The following RASAL2 variants were observed in gnomAD, a reference collection of about 807,000 sequenced individuals.
RASAL2 encodes ras GTPase-activating protein nGAP.
Under a neutral mutation model 128.9 loss-of-function variants are expected in RASAL2, and 58 were observed. The ratio of observed to expected loss-of-function variants is 0.45; its 90% CI spans 0.36 to 0.56. RASAL2 has a LOEUF of 0.56. Ranked by LOEUF, RASAL2 falls within the 20% of genes least tolerant of loss-of-function variation. The probability of loss-of-function intolerance (pLI) is 0.00; values close to 1 mark genes in which losing one functional copy is unlikely to be tolerated. For synonymous variants in RASAL2, 561 were observed against 580.8 expected, an observed-to-expected ratio of 0.97 and a Z score of 0.49; for missense variants, 1,360 against 1,601.6, an observed-to-expected ratio of 0.85 and a Z score of 2.57.
At chr1:178,151,640 A>G (rs1040500029) in intron 1 of RASAL2, among the ~76,000 whole-genome samples, 1 of 152,298 alleles carries the variant, frequency 6.6e-6, no homozygotes, top group Middle Eastern at 3.4e-3. Context: ...CTCACCTCCA[A>G]AATGGCCTCC....
chr1:178,319,439 C>A (rs1440482264), intron 3 of RASAL2, among the ~76,000 whole-genome samples: 1 of 151,266 alleles, frequency 6.6e-6, no homozygotes, highest in Non-Finnish European at 1.5e-5. Context: ...ACCAATCAGA[C>A]GTAGATTTGG....
chr1:178,401,188 A>T (rs1167440142), intron 4 of RASAL2, among the ~76,000 whole-genome samples: 1 of 152,230 alleles, frequency 6.6e-6, no homozygotes. Context: ...GATATTCTTG[A>T]TTACCCAAAG....
chr1:178,424,295 T>C (rs1675367806), intron 5 of RASAL2, among the ~76,000 whole-genome samples: 1 of 151,042 alleles, frequency 6.6e-6, no homozygotes, highest in Non-Finnish European at 1.5e-5. Flanking sequence ...CAGGCTGGAG[T>C]GTAGTGGCAC....
chr1:178,163,676 A>T (rs1661414744), intron 1 of RASAL2, among the ~76,000 whole-genome samples: 1 of 152,184 alleles, frequency 6.6e-6, no homozygotes, highest in South Asian at 2.1e-4. Flanking sequence ...AATGTTAATT[A>T]TTGTAACTTT....
rs1663812945 is a variant in RASAL2 at position 178,226,946 on chromosome 1, AACAG to A, written c.203-56614_203-56611del. 2.0e-5 allele frequency among the ~76,000 whole-genome samples: 3 copies of A among 152,306 alleles called. No homozygotes were observed. In the South Asian group the frequency reaches 6.2e-4, roughly 32 times the overall value. On this transcript the variant is annotated intron_variant, in intron 1 of 17. Coordinates refer to ENST00000367649, the MANE Select transcript of RASAL2 (RefSeq NM_170692.4). ...CAGAATGAGACTGTCTCAGAAAACA[AACAG>A]ACAAACAAACAAACAAAACCCCACA...
At chr1:178,276,334 CTTTACT>C (rs1666509560) in intron 1 of RASAL2, among the ~76,000 whole-genome samples, 1 of 152,090 alleles carries the variant, frequency 6.6e-6, no homozygotes, top group Non-Finnish European at 1.5e-5. Context: ...TAAAATTAAA[CTTTACT>C]TTAAGTGACC....
intron 1 of RASAL2, among the ~76,000 whole-genome samples, chr1:178,218,093 C>G (rs1188112061): frequency 6.6e-6 from 1 of 152,018 alleles, no homozygotes; most frequent in African/African-American, 2.4e-5. Flanking sequence ...AATTCAGTCA[C>G]ATCTTCAGGC....
chr1:178,457,588 A>ACC (rs1319400210), intron 13 of RASAL2, 95 bp from the exon 14 acceptor site: 3 of 1,287,318 alleles, frequency 2.3e-6, no homozygotes, highest in Non-Finnish European at 3.2e-6. Flanking sequence ...TATCCACATA[A>ACC]GAACCTTCGG....
chr1:178,201,773 C>T (rs559376639), intron 1 of RASAL2, among the ~76,000 whole-genome samples: 12 of 152,240 alleles, frequency 7.9e-5, no homozygotes, highest in Admixed American at 3.3e-4. Flanking sequence ...TAGAAGCCTA[C>T]GGCATTCCTA....
chr1:178,198,892 G>C (rs1306835173), intron 1 of RASAL2, among the ~76,000 whole-genome samples: 1 of 152,190 alleles, frequency 6.6e-6, no homozygotes, highest in African/African-American at 2.4e-5. Context: ...AGTTTTTGTT[G>C]TGTTTTGTTC....
chr1:178,414,891 C>G (rs1414248804), intron 4 of RASAL2, among the ~76,000 whole-genome samples: 1 of 152,142 alleles, frequency 6.6e-6, no homozygotes, highest in East Asian at 1.9e-4. Flanking sequence ...TCCCTTTTTA[C>G]CATTTTAAGG....
intron 1 of RASAL2, among the ~76,000 whole-genome samples, chr1:178,183,052 C>T (rs1662168830): frequency 6.6e-6 from 1 of 152,152 alleles, no homozygotes; most frequent in African/African-American, 2.4e-5. Flanking sequence ...CTCACTCACC[C>T]ACCGCTCACC....
intron 3 of RASAL2, among the ~76,000 whole-genome samples, chr1:178,331,281 C>T (rs1669293439): frequency 6.6e-6 from 1 of 152,194 alleles, no homozygotes; most frequent in African/African-American, 2.4e-5. Context: ...AGCAAATCCA[C>T]CCGCCTCAGC....
At chr1:178,306,710 C>G (rs11580008) in intron 3 of RASAL2, among the ~76,000 whole-genome samples, 15,508 of 151,922 alleles carry the variant, frequency 0.1, 822 homozygotes, top group Middle Eastern at 0.13. Context: ...TGAGAAGTGT[C>G]TGTTCATGTC....
At chr1:178,345,168 A>G (rs1056764931) in intron 3 of RASAL2, among the ~76,000 whole-genome samples, 5 of 152,208 alleles carry the variant, frequency 3.3e-5, no homozygotes, top group African/African-American at 7.2e-5. Flanking sequence ...GATCCTGTTA[A>G]TAATACGACT....
At chr1:178,311,922 C>G (rs1468678260) in intron 3 of RASAL2, among the ~76,000 whole-genome samples, 1 of 151,822 alleles carries the variant, frequency 6.6e-6, no homozygotes, top group African/African-American at 2.4e-5. Flanking sequence ...GATTGATATC[C>G]TCAGAAAGAT....
intron 3 of RASAL2, among the ~76,000 whole-genome samples, chr1:178,342,345 T>C (rs1420393436): frequency 6.6e-6 from 1 of 152,218 alleles, no homozygotes; most frequent in African/African-American, 2.4e-5. Context: ...CTCCTTATTG[T>C]CAGTTTAACG....
At chr1:178,113,506 CTGCGAG>C (rs1376580462) in intron 1 of RASAL2, among the ~76,000 whole-genome samples, 6 of 105,796 alleles carry the variant, frequency 5.7e-5, no homozygotes, top group Non-Finnish European at 1.1e-4. Flanking sequence ...GCATGCATGC[CTGCGAG>C]TGTGTGTGTG....
intron 3 of RASAL2, among the ~76,000 whole-genome samples, chr1:178,343,114 G>C (rs1669969969): frequency 6.6e-6 from 1 of 152,146 alleles, no homozygotes; most frequent in Non-Finnish European, 1.5e-5. Context: ...AAGTTAGCTT[G>C]ATTTGGCTAT....
Sources: allele counts gnomAD v4.1 joint callset (sites outside exome capture counted in the v4.1 genomes callset), GRCh38; gene constraint gnomAD v4.1.1; transcripts MANE v1.5; gene names NCBI Gene and HGNC (gene_info 2026-07-23, HGNC 2026-07-21).